The following STAG1 variants were observed in gnomAD, a reference collection of about 807,000 sequenced individuals.
The protein encoded by STAG1 is STAG1 cohesin complex component, also known as cohesin subunit SA-1.
Under a neutral mutation model 170.9 loss-of-function variants are expected in STAG1, and 26 were observed. The ratio of observed to expected loss-of-function variants is 0.15; its 90% CI spans 0.11 to 0.21. STAG1 has a LOEUF of 0.21. Among genes scored for constraint, STAG1 ranks in the 10% least tolerant of loss-of-function variants. The probability of loss-of-function intolerance (pLI) is 1.00; values close to 1 mark genes in which losing one functional copy is unlikely to be tolerated. For missense variants in STAG1, 964 were observed against 1,509.5 expected, an observed-to-expected ratio of 0.64 and a Z score of 5.99; for synonymous variants, 514 against 497.7, an observed-to-expected ratio of 1.03 and a Z score of -0.44.
intron 8 of STAG1, 122 bp from the exon 9 acceptor site, chr3:136,500,418 G>A (rs1489869570): frequency 1.6e-5 from 10 of 636,066 alleles, no homozygotes; most frequent in East Asian, 1.5e-4. Context: ...TTTCTCACTT[G>A]TAGTACAGAT....
At chr3:136,499,570 TAAC>T (rs1933354725) in intron 9 of STAG1, among the ~76,000 whole-genome samples, 2 of 152,334 alleles carry the variant, frequency 1.3e-5, no homozygotes, top group South Asian at 4.1e-4. Context: ...CAACAGAAGG[TAAC>T]AAGTATATGT....
chr3:136,343,763 A>C (rs1448172349), intron 30 of STAG1, 69 bp downstream of exon 30: 2 of 1,306,878 alleles, frequency 1.5e-6, no homozygotes, highest in Non-Finnish European at 2.1e-6. Flanking sequence ...TGAACAAATA[A>C]AGTTTTTCTT....
chr3:136,503,516 G>C (rs961306021), intron 7 of STAG1, among the ~76,000 whole-genome samples: 4 of 151,654 alleles, frequency 2.6e-5, no homozygotes, highest in African/African-American at 9.7e-5. Context: ...TTTCATCATT[G>C]AGATAGTGAG....
At chr3:136,436,390 T>G (rs2088463452) in intron 15 of STAG1, among the ~76,000 whole-genome samples, 1 of 152,144 alleles carries the variant, frequency 6.6e-6, no homozygotes, top group Non-Finnish European at 1.5e-5. Context: ...CAAGTGATTC[T>G]CCTGCCTCAG....
At chr3:136,370,048 T>TTACTATACTATACTA (rs71157375) in intron 23 of STAG1, among the ~76,000 whole-genome samples, 4 of 150,110 alleles carry the variant, frequency 2.7e-5, no homozygotes, top group East Asian at 2.0e-4. Flanking sequence ...GCGTATGTAT[T>TTACTATACTATACTA]TACTATACTA....
At chr3:136,684,330 G>A (rs573898925) in intron 1 of STAG1, among the ~76,000 whole-genome samples, 84 of 152,224 alleles carry the variant, frequency 5.5e-4, no homozygotes, top group Non-Finnish European at 3.2e-4. Flanking sequence ...AAAACAATAC[G>A]ACAAATAGAT....
At chr3:136,531,472 G>A (rs1935362832) in intron 6 of STAG1, among the ~76,000 whole-genome samples, 1 of 149,486 alleles carries the variant, frequency 6.7e-6, no homozygotes, top group African/African-American at 2.5e-5. Flanking sequence ...TCTGTTTATT[G>A]CGGCATTATT....
chr3:136,402,554 G>T (rs977187084), intron 21 of STAG1, among the ~76,000 whole-genome samples: 1 of 152,024 alleles, frequency 6.6e-6, no homozygotes, highest in African/African-American at 2.4e-5. Context: ...TTTCAGACCA[G>T]GCACAGTGGT....
chr3:136,371,806 T>C (rs1937353848), intron 23 of STAG1, among the ~76,000 whole-genome samples: 1 of 152,230 alleles, frequency 6.6e-6, no homozygotes. Context: ...TCCAGCTTTG[T>C]TCTTTTGGCT....
rs79693236 is a variant in STAG1, at chr3:136,630,537, A to G, written c.29+333T>C. ...TACAAAGTAGTCATAAACAGCATGT[A>G]AAGGAATGAGTATGGCTCTCATCCA... On this transcript the variant is annotated intron_variant, in intron 2 of 33. Coordinates refer to ENST00000383202, the MANE Select transcript of STAG1 (RefSeq NM_005862.3). Among the ~76,000 whole-genome samples the G allele has an allele frequency of 3.0e-3, 460 of 152,378 alleles. 4 individuals are homozygous for G. In the East Asian group the frequency reaches 0.039, roughly 13 times the overall value.
intron 29 of STAG1, among the ~76,000 whole-genome samples, chr3:136,345,464 T>G (rs1376321969): frequency 1.3e-5 from 2 of 149,340 alleles, no homozygotes; most frequent in South Asian, 2.1e-4. Context: ...TGTTTTTTTT[T>G]TTTTTTTTTT....
chr3:136,697,416 C>T (rs1225200461), intron 1 of STAG1, among the ~76,000 whole-genome samples: 1 of 152,148 alleles, frequency 6.6e-6, no homozygotes, highest in Non-Finnish European at 1.5e-5. Context: ...TGGGATCTTC[C>T]AGGTGATTCT....
chr3:136,622,369 T>C (rs761589554), intron 3 of STAG1, among the ~76,000 whole-genome samples: 3 of 151,706 alleles, frequency 2.0e-5, no homozygotes, highest in Non-Finnish European at 4.4e-5. Context: ...CACACTAAAA[T>C]ATTTACAGAT....
intron 21 of STAG1, among the ~76,000 whole-genome samples, chr3:136,401,765 A>C (rs547148417): frequency 1.1e-3 from 166 of 152,178 alleles, no homozygotes; most frequent in African/African-American, 3.8e-3. Context: ...TAATATTGAT[A>C]TTCCTTTATT....
chr3:136,642,665 T>C (rs891775525), intron 1 of STAG1, among the ~76,000 whole-genome samples: 1 of 152,246 alleles, frequency 6.6e-6, no homozygotes, highest in Non-Finnish European at 1.5e-5. Flanking sequence ...TTTATTCTTA[T>C]ACTTTGCAAT....
intron 22 of STAG1, among the ~76,000 whole-genome samples, chr3:136,392,707 A>G (rs1362383519): frequency 6.8e-6 from 1 of 148,076 alleles, no homozygotes; most frequent in Non-Finnish European, 1.5e-5. Context: ...TGGAGGTTGC[A>G]GTGAGCCGAG....
rs576624255 is a variant in STAG1, at chr3:136,348,448, G to A, written c.3271+710C>T. Among the ~76,000 whole-genome samples the A allele has an allele frequency of 4.6e-5, 7 of 152,102 alleles. No homozygotes were observed. The South Asian group carries it at 1.2e-3, about 27-fold the overall frequency. On this transcript the variant is annotated intron_variant, in intron 29 of 33. Transcript: ENST00000383202. ...TAAATGATGGGAGTCTTCCTCTGTC[G>A]CCCAGGCTGGAGTGCAGTGGCATGA...
At chr3:136,459,604 A>G (rs1390350040) in intron 13 of STAG1, among the ~76,000 whole-genome samples, 1 of 152,220 alleles carries the variant, frequency 6.6e-6, no homozygotes, top group African/African-American at 2.4e-5. Flanking sequence ...ATTCTCCAGG[A>G]CAGGCTACAA....
At chr3:136,663,826 C>G (rs1941661969) in intron 1 of STAG1, among the ~76,000 whole-genome samples, 1 of 151,958 alleles carries the variant, frequency 6.6e-6, no homozygotes, top group South Asian at 2.1e-4. Context: ...ACTCTCAGAT[C>G]AGAAAATGTG....
Sources: gnomAD v4.1 joint callset for allele counts (sites outside exome capture counted in the v4.1 genomes callset) on GRCh38, gnomAD v4.1.1 for gene constraint, MANE v1.5 for transcripts, NCBI Gene and HGNC (gene_info 2026-07-23, HGNC 2026-07-21) for gene names.